GADL1: variants seen among roughly 807,000 people sequenced by gnomAD.
GADL1 encodes the protein acidic amino acid decarboxylase GADL1.
Under a neutral mutation model 69.5 loss-of-function variants are expected in GADL1, and 71 were observed. That is an observed-to-expected ratio of 1.02 (90% CI 0.84 to 1.25). The LOEUF (loss-of-function observed/expected upper bound fraction) is 1.25. GADL1 is among the 50% of genes most tolerant of loss of function. The probability of loss-of-function intolerance (pLI) is 0.00; values close to 1 mark genes in which losing one functional copy is unlikely to be tolerated. For missense variants in GADL1, 737 were observed against 631.8 expected (o/e 1.17, Z -1.79); for synonymous variants, 254 against 214.4 (o/e 1.18, Z -1.62).
rs113938102 is a variant in GADL1, at chr3:30,749,213, A to C, written c.1393-20798T>G. 5.2e-3 allele frequency among the ~76,000 whole-genome samples: 786 copies of C among 152,078 alleles called. 8 individuals are homozygous for C. Among genetic ancestry groups the C allele is most frequent in the African/African-American group, 0.017 (723 of 41,358 alleles). ...TGAGTAATTGATTCTATCCAGTCTT[A>C]AATGGAAATAAATGCTGTGTTTGTA... On this transcript the variant is annotated intron_variant, in intron 14 of 14. Transcript: ENST00000282538.
chr3:30,859,960 C>A (rs1698294864), intron 2 of GADL1, among the ~76,000 whole-genome samples: 1 of 151,802 alleles, frequency 6.6e-6, no homozygotes, highest in Non-Finnish European at 1.5e-5. Context: ...TCTTATTAGT[C>A]CCCTGTGTGA....
At chr3:30,854,910 T>G (rs1023578882) in intron 3 of GADL1, 121 bp from the exon 4 acceptor site, 3 of 601,560 alleles carry the variant, frequency 5.0e-6, no homozygotes, top group Non-Finnish European at 8.8e-6. Flanking sequence ...GAGTTATATA[T>G]AACGTAATTC....
chr3:30,844,477 A>T lies in GADL1; in HGVS notation c.652-11T>A. On this transcript the variant is annotated splice_polypyrimidine_tract_variant and intron_variant, in intron 6 of 14. Transcript: ENST00000282538. ...CATAGAGTAATGACACTGAATTCAA[A>T]GGGACAGTGGGGAAGGGGGAGACAT... 6.4e-7 allele frequency: 1 copy of T among 1,565,124 alleles called. No homozygotes were observed. Among genetic ancestry groups the T allele is most frequent in the South Asian group, 1.1e-5 (1 of 90,000 alleles).
chr3:30,759,625 GAAC>G (rs1430142111), intron 14 of GADL1, among the ~76,000 whole-genome samples: 11 of 101,192 alleles, frequency 1.1e-4, no homozygotes, highest in African/African-American at 4.5e-4. Flanking sequence ...GTACATTGCT[GAAC>G]TATGCCTAAA....
chr3:30,740,056 G>A (rs1312555220), intron 14 of GADL1, among the ~76,000 whole-genome samples: 1 of 152,092 alleles, frequency 6.6e-6, no homozygotes, highest in East Asian at 1.9e-4. Context: ...AAATCATGAT[G>A]TTTCTATTGT....
rs146157052 is a variant in GADL1, at chr3:30,850,030, C to G, written c.617G>C (p.Gly206Ala). 6.8e-5 allele frequency: 109 copies of G among 1,609,518 alleles called. No individual in the cohort carries two copies. The Middle Eastern group carries it at 1.2e-3, about 17-fold the overall frequency. ...TGTGAAAAGGATTAATCTTGGCGAA[C>G]CAGACAGCCCCTTTTCCTTAATATC... is the stretch of plus-strand genomic sequence containing the variant. The part of the protein sequence containing the change: ...CPDIKEKGLS[G>A]SPRLILFTSA... The change falls in exon 6 of 15, where the codon GGT becomes GCT. Residue 206 changes from glycine to alanine, a missense_variant. Transcript: ENST00000282538.
In GADL1 at chr3:30,857,220, C is replaced by A; in HGVS notation, c.211-79G>T. The A allele has an allele frequency of 1.7e-5, 20 of 1,210,160 alleles. No individual in the cohort carries two copies. The South Asian group carries it at 2.7e-4, about 16-fold the overall frequency. The allele number at this position is 1,210,160 out of a possible 1,614,324, so 75.0% of individuals were successfully genotyped here. On this transcript the variant is annotated intron_variant, in intron 2 of 14. Transcript: ENST00000282538. Reference sequence around the variant, plus strand: ...AGGATGTTACAAACGTGGACTCTACCATTACAAAGCTTCTGGGCAGCGGGT... The same window carrying A: ...AGGATGTTACAAACGTGGACTCTACAATTACAAAGCTTCTGGGCAGCGGGT...
chr3:30,796,058 A>G (rs1697026250), intron 12 of GADL1, among the ~76,000 whole-genome samples: 1 of 152,248 alleles, frequency 6.6e-6, no homozygotes, highest in African/African-American at 2.4e-5. Context: ...TGCAGAAATT[A>G]GAAAGTATTC....
At chr3:30,877,506 T>G (rs1698593680) in intron 1 of GADL1, among the ~76,000 whole-genome samples, 1 of 151,858 alleles carries the variant, frequency 6.6e-6, no homozygotes, top group Non-Finnish European at 1.5e-5. Context: ...GGTACTGAAA[T>G]AAAACTGAGT....
chr3:30,756,259 C>T (rs991923198), intron 14 of GADL1, among the ~76,000 whole-genome samples: 1 of 152,130 alleles, frequency 6.6e-6, no homozygotes, highest in Non-Finnish European at 1.5e-5. Flanking sequence ...AACTCAGCTA[C>T]TCAACTGATC....
chr3:30,790,177 CT>C (rs1391925681), intron 12 of GADL1, among the ~76,000 whole-genome samples: 1 of 152,106 alleles, frequency 6.6e-6, no homozygotes, highest in Non-Finnish European at 1.5e-5. Context: ...ATTAGTTGGC[CT>C]AATTTTGATA....
intron 1 of GADL1, among the ~76,000 whole-genome samples, chr3:30,890,024 A>G (rs535270427): frequency 6.6e-6 from 1 of 152,322 alleles, no homozygotes; most frequent in East Asian, 1.9e-4. Flanking sequence ...ATGCATTCAC[A>G]TAGTATTCTA....
chr3:30,787,329 A>G (rs1696816980), intron 12 of GADL1, among the ~76,000 whole-genome samples: 1 of 152,214 alleles, frequency 6.6e-6, no homozygotes, highest in South Asian at 2.1e-4. Flanking sequence ...GAAATATGGA[A>G]TATGAGTGAG....
intron 11 of GADL1, among the ~76,000 whole-genome samples, chr3:30,826,449 C>G (rs1316428735): frequency 6.6e-6 from 1 of 151,722 alleles, no homozygotes; most frequent in Non-Finnish European, 1.5e-5. Context: ...ATATCTACAC[C>G]CTCAGGGTTC....
chr3:30,844,515 C>CA (rs748567362), intron 6 of GADL1, 49 bp from the exon 7 acceptor site: 7 of 1,159,026 alleles, frequency 6.0e-6, no homozygotes, highest in Non-Finnish European at 9.1e-6. Context: ...AAACATAGCA[C>CA]AAAAAAAGCA....
chr3:30,870,953 A>G (rs1698471371), intron 1 of GADL1, among the ~76,000 whole-genome samples: 1 of 151,682 alleles, frequency 6.6e-6, no homozygotes, highest in African/African-American at 2.4e-5. Context: ...ATTTTGACAA[A>G]TTCATAGGAA....
intron 14 of GADL1, among the ~76,000 whole-genome samples, chr3:30,760,024 C>T (rs1460824073): frequency 1.3e-5 from 2 of 152,160 alleles, no homozygotes; most frequent in African/African-American, 4.8e-5. Context: ...TCCTTTTTAC[C>T]TGCAGATTCA....
intron 14 of GADL1, among the ~76,000 whole-genome samples, chr3:30,771,952 G>A (rs1559495264): frequency 1.3e-5 from 2 of 152,312 alleles, no homozygotes; most frequent in East Asian, 1.9e-4. Context: ...AATGGGGCAA[G>A]GAAAGAGATA....
chr3:30,752,976 TGTC>T (rs1237008457), intron 14 of GADL1, among the ~76,000 whole-genome samples: 1 of 152,120 alleles, frequency 6.6e-6, no homozygotes, highest in African/African-American at 2.4e-5. Flanking sequence ...AACACTTCAT[TGTC>T]AGCAGTATTT....
Sources: allele counts gnomAD v4.1 joint callset (sites outside exome capture counted in the v4.1 genomes callset), GRCh38; gene constraint gnomAD v4.1.1; transcripts MANE v1.5; gene names NCBI Gene and HGNC (gene_info 2026-07-23, HGNC 2026-07-21).